Variants in PLAC1 observed in about 807,000 individuals in gnomAD.
The protein encoded by PLAC1 is placenta-specific protein 1.
For synonymous variants in PLAC1, 68 were observed against 62.1 expected (o/e 1.09, Z -0.44); for missense variants, 136 against 163.2 (o/e 0.83, Z 0.91).
chrX:134,658,725 C>T (rs2078404318), upstream of PLAC1, among the ~76,000 whole-genome samples: 1 of 111,458 alleles, frequency 9.0e-6, no homozygotes, highest in African/African-American at 3.3e-5. Context: ...GTCACCTTGA[C>T]AGAACTCATT....
chrX:134,567,458 C>G (rs768795410), intron 2 of PLAC1, among the ~76,000 whole-genome samples: 9 of 111,206 alleles, frequency 8.1e-5, no homozygotes, highest in Non-Finnish European at 1.3e-4. Flanking sequence ...TGAAAACTAC[C>G]GTAAAAGTCT....
At chrX:134,716,755 A>G (rs972918911) in intron 2 of PLAC1, among the ~76,000 whole-genome samples, 1 of 112,287 alleles carries the variant, frequency 8.9e-6, no homozygotes. Context: ...TTGTTGAGTG[A>G]ATGAATGAAC....
intron 2 of PLAC1, among the ~76,000 whole-genome samples, chrX:134,730,328 T>G (rs1015327747): frequency 4.5e-5 from 5 of 112,117 alleles, no homozygotes; most frequent in Non-Finnish European, 7.5e-5. Flanking sequence ...AAGGAAAGTG[T>G]TTTATGTGAG....
At chrX:134,660,555 T>C (rs1812369214), upstream of PLAC1, among the ~76,000 whole-genome samples, 1 of 111,597 alleles carries the variant, frequency 9.0e-6, no homozygotes, top group African/African-American at 3.3e-5. Context: ...CTAAACACAG[T>C]TGATGAGAGA....
intron 2 of PLAC1, among the ~76,000 whole-genome samples, chrX:134,726,090 T>C (rs1016373375): frequency 8.9e-6 from 1 of 111,801 alleles, no homozygotes; most frequent in African/African-American, 3.3e-5. Flanking sequence ...ATACACCCTA[T>C]GTCCATCCTC....
At chrX:134,595,839 G>A (rs921097412) in intron 2 of PLAC1, among the ~76,000 whole-genome samples, 1 of 109,745 alleles carries the variant, frequency 9.1e-6, no homozygotes, top group East Asian at 2.8e-4. Context: ...CTTCTAATTG[G>A]TGTATTTAGA....
chrX:134,659,128 G>T (rs1411837751), upstream of PLAC1, among the ~76,000 whole-genome samples: 2 of 109,732 alleles, frequency 1.8e-5, no homozygotes, highest in Non-Finnish European at 3.8e-5. Flanking sequence ...GTGATGGGTT[G>T]ATCGATGCAG....
chrX:134,750,889 A>T (rs1602951175), intron 1 of PLAC1, among the ~76,000 whole-genome samples: 1 of 19,160 alleles, frequency 5.2e-5, no homozygotes, highest in African/African-American at 3.7e-4. Context: ...ATAAATATAT[A>T]TATATATATT....
At chrX:134,572,088 C>A (rs1419646751) in intron 2 of PLAC1, among the ~76,000 whole-genome samples, 1 of 111,734 alleles carries the variant, frequency 8.9e-6, no homozygotes, top group Non-Finnish European at 1.9e-5. Flanking sequence ...CTTTGATTTG[C>A]AGCAAAGTTT....
At chrX:134,749,685 T>C (rs188688810) in intron 1 of PLAC1, among the ~76,000 whole-genome samples, 36 of 112,593 alleles carry the variant, frequency 3.2e-4, no homozygotes, top group Non-Finnish European at 3.9e-4. Context: ...TATTAACATA[T>C]AGAAAAATAC....
chrX:134,569,788 TTGTG>T (rs1222390458), intron 2 of PLAC1, among the ~76,000 whole-genome samples: 2 of 47,384 alleles, frequency 4.2e-5, no homozygotes, highest in African/African-American at 8.7e-5. Flanking sequence ...GTGTGTGTGT[TTGTG>T]TGTGTGTGTG....
chrX:134,758,389 C>T (rs1217048757), intron 1 of PLAC1, among the ~76,000 whole-genome samples: 1 of 111,936 alleles, frequency 8.9e-6, no homozygotes, highest in African/African-American at 3.3e-5. Context: ...CATTACCTGA[C>T]TTCAAAATAT....
chrX:134,723,076 TAA>T (rs1274554233), intron 2 of PLAC1, among the ~76,000 whole-genome samples: 2 of 111,324 alleles, frequency 1.8e-5, no homozygotes, highest in Admixed American at 9.6e-5. Context: ...TTCATTTCAT[TAA>T]GAGATATATT....
chrX:134,666,038 C>G (rs971796159), intron 2 of PLAC1, among the ~76,000 whole-genome samples: 4 of 111,465 alleles, frequency 3.6e-5, no homozygotes, highest in African/African-American at 1.3e-4. Context: ...TCTTTCTTGA[C>G]AGGGGATCTA....
intron 1 of PLAC1, among the ~76,000 whole-genome samples, chrX:134,636,250 A>G (rs887338851): frequency 7.1e-5 from 8 of 112,323 alleles, no homozygotes; most frequent in African/African-American, 2.6e-4. Flanking sequence ...TAAAACTTAC[A>G]TGAGCCCACG....
At chrX:134,592,887 G>A (rs1025902993) in intron 2 of PLAC1, among the ~76,000 whole-genome samples, 3 of 109,082 alleles carry the variant, frequency 2.8e-5, no homozygotes, top group East Asian at 2.9e-4. Context: ...CACCACGCCC[G>A]GCTAATTTTT....
intron 1 of PLAC1, among the ~76,000 whole-genome samples, chrX:134,737,072 T>G (rs759798532): frequency 8.9e-6 from 1 of 112,505 alleles, no homozygotes; most frequent in Non-Finnish European, 1.9e-5. Context: ...ACCTATTTCC[T>G]GAATTGGATG....
chrX:134,724,721 G>A (rs1465363897), intron 2 of PLAC1, among the ~76,000 whole-genome samples: 1 of 112,226 alleles, frequency 8.9e-6, no homozygotes, highest in East Asian at 2.8e-4. Context: ...AACAAAACTC[G>A]GCTGGGTGCA....
At position 134,572,876 on chromosome X, in the gene PLAC1, T is replaced by C. The variant is rs1307471546; in HGVS notation, c.-58-6136A>G. Among the ~76,000 whole-genome samples, 3 of 111,934 alleles carry C rather than the reference T, an allele frequency of 2.7e-5. No individual in the cohort carries two copies. In the Admixed American group the frequency reaches 2.9e-4, roughly 11 times the overall value. ...GAATTTTAAAGCAATCAAAGCATTA[T>C]TTTTGTTTGGGCCATCTGGTTTTGT... On this transcript the variant is annotated intron_variant, in intron 2 of 2. Transcript: ENST00000359237.
Sources: gnomAD v4.1 joint callset for allele counts (sites outside exome capture counted in the v4.1 genomes callset) on GRCh38, gnomAD v4.1.1 for gene constraint, MANE v1.5 for transcripts, NCBI Gene and HGNC (gene_info 2026-07-23, HGNC 2026-07-21) for gene names.